Variants in PPP1R9A observed in about 807,000 individuals in gnomAD.
PPP1R9A encodes protein phosphatase 1 regulatory subunit 9A.
PPP1R9A carries 59 observed loss-of-function variants against 141.9 expected under a neutral mutation model. That is an observed-to-expected ratio of 0.42 (90% CI 0.34 to 0.52). PPP1R9A has a LOEUF of 0.52. Ranked by LOEUF, PPP1R9A falls within the 20% of genes least tolerant of loss-of-function variation. PPP1R9A has a pLI of 0.10. For synonymous variants in PPP1R9A, 500 were observed against 569.7 expected, an observed-to-expected ratio of 0.88 and a Z score of 1.74; for missense variants, 1,444 against 1,611.9, an observed-to-expected ratio of 0.90 and a Z score of 1.78.
intron 2 of PPP1R9A, among the ~76,000 whole-genome samples, chr7:95,099,856 G>A (rs781106616): frequency 2.6e-4 from 40 of 151,944 alleles, no homozygotes; most frequent in Non-Finnish European, 5.0e-4. Context: ...ACACATATTT[G>A]CCAATAAATG....
intron 4 of PPP1R9A, among the ~76,000 whole-genome samples, chr7:95,145,296 T>A (rs1827400863): frequency 6.6e-6 from 1 of 152,224 alleles, no homozygotes; most frequent in African/African-American, 2.4e-5. Context: ...CACCTTTTCA[T>A]CACTGATGCT....
chr7:94,956,029 G>C (rs779495821), intron 2 of PPP1R9A, among the ~76,000 whole-genome samples: 1 of 152,138 alleles, frequency 6.6e-6, no homozygotes, highest in Non-Finnish European at 1.5e-5. Flanking sequence ...TGCTCACTCT[G>C]TCCTGTTGCC....
intron 2 of PPP1R9A, chr7:95,098,280 A>G (rs1251455110): frequency 2.6e-5 from 4 of 152,182 alleles, no homozygotes; most frequent in African/African-American, 9.7e-5. Context: ...AGGCGTGATT[A>G]TAGCTAATTG....
chr7:94,984,926 G>A (rs772253329), intron 2 of PPP1R9A, among the ~76,000 whole-genome samples: 1 of 152,030 alleles, frequency 6.6e-6, no homozygotes, highest in African/African-American at 2.4e-5. Flanking sequence ...TGTGATGTTA[G>A]GGTGTCAATT....
At chr7:94,981,548 T>TA (rs1348658788) in intron 2 of PPP1R9A, among the ~76,000 whole-genome samples, 9 of 151,998 alleles carry the variant, frequency 5.9e-5, no homozygotes, top group African/African-American at 1.2e-4. Flanking sequence ...ACGTTTTTTT[T>TA]AAAAAAAACT....
chr7:95,287,223 A>C, intron 18 of PPP1R9A: 3 of 1,445,472 alleles, frequency 2.1e-6, no homozygotes, highest in Non-Finnish European at 1.9e-6. Flanking sequence ...AAAATCAGAC[A>C]ATACAAGAAT....
chr7:95,081,403 A>G (rs1181303400), intron 2 of PPP1R9A, among the ~76,000 whole-genome samples: 1 of 152,170 alleles, frequency 6.6e-6, no homozygotes, highest in Non-Finnish European at 1.5e-5. Flanking sequence ...TGCTAGAGAA[A>G]AACGTATTAG....
At chr7:94,965,867 G>T (rs1192634252) in intron 2 of PPP1R9A, among the ~76,000 whole-genome samples, 1 of 152,092 alleles carries the variant, frequency 6.6e-6, no homozygotes, top group Non-Finnish European at 1.5e-5. Flanking sequence ...AAAGTCAATG[G>T]TAGCTTGATG....
At chr7:95,071,630 A>G (rs1316038680) in intron 2 of PPP1R9A, among the ~76,000 whole-genome samples, 1 of 152,008 alleles carries the variant, frequency 6.6e-6, no homozygotes, top group Non-Finnish European at 1.5e-5. Context: ...GTCATTTTGA[A>G]TAGCTGATTA....
intron 2 of PPP1R9A, among the ~76,000 whole-genome samples, chr7:94,977,765 T>A (rs1341350029): frequency 7.9e-6 from 1 of 127,326 alleles, no homozygotes; most frequent in African/African-American, 3.1e-5. Flanking sequence ...TTTCATTTTC[T>A]TTTTTTTTTT....
At chr7:95,074,472 T>G (rs202218971) in intron 2 of PPP1R9A, among the ~76,000 whole-genome samples, 10,081 of 121,044 alleles carry the variant, frequency 0.083, 438 homozygotes, top group African/African-American at 0.15. Flanking sequence ...TTTGTTTTTT[T>G]TTTTTTTGTT....
chr7:94,969,248 C>A (rs1798585583), intron 2 of PPP1R9A, among the ~76,000 whole-genome samples: 1 of 152,046 alleles, frequency 6.6e-6, no homozygotes, highest in Admixed American at 6.6e-5. Flanking sequence ...GAATTTTCAG[C>A]CTTTTTGTGC....
At position 95,079,195 on chromosome 7, in the gene PPP1R9A, C is replaced by T. The variant is rs911109901; in HGVS notation, c.1396-32064C>T. On this transcript the variant is annotated intron_variant, in intron 2 of 19. Coordinates refer to ENST00000433360, the MANE Select transcript of PPP1R9A (RefSeq NM_001166160.2). ...GAAGGGATCCAGTTTCAGCTTTCTACATATGGCTAGCCAGTTTTCCTAGCA... is the reference window on the plus strand; with the variant it reads ...GAAGGGATCCAGTTTCAGCTTTCTATATATGGCTAGCCAGTTTTCCTAGCA... Among the ~76,000 whole-genome samples, 82 of 152,322 alleles carry T rather than the reference C, an allele frequency of 5.4e-4. 1 individual carries two copies. The highest frequency in any genetic ancestry group is 1.1e-3 in the Non-Finnish European group (72 of 68,030).
intron 2 of PPP1R9A, among the ~76,000 whole-genome samples, chr7:94,949,923 T>G (rs149249985): frequency 6.6e-6 from 1 of 151,310 alleles, no homozygotes; most frequent in South Asian, 2.1e-4. Flanking sequence ...TTTTTTTTTT[T>G]GAATGGTCAC....
At chr7:94,986,444 C>T (rs1477979059) in intron 2 of PPP1R9A, among the ~76,000 whole-genome samples, 3 of 151,870 alleles carry the variant, frequency 2.0e-5, no homozygotes, top group Admixed American at 2.0e-4. Flanking sequence ...AAAACATGAG[C>T]GGATAGAGGT....
chr7:94,984,659 C>G (rs1206857662), intron 2 of PPP1R9A, among the ~76,000 whole-genome samples: 1 of 151,784 alleles, frequency 6.6e-6, no homozygotes, highest in Non-Finnish European at 1.5e-5. Context: ...TTTGTATTTC[C>G]TTGAGATCGG....
intron 4 of PPP1R9A, among the ~76,000 whole-genome samples, chr7:95,122,363 C>G (rs1347810763): frequency 1.3e-5 from 2 of 151,936 alleles, no homozygotes; most frequent in Non-Finnish European, 2.9e-5. Flanking sequence ...GTCAGAATGG[C>G]CTCGAACTCC....
At chr7:95,134,226 C>T (rs1024702144) in intron 4 of PPP1R9A, among the ~76,000 whole-genome samples, 2 of 152,070 alleles carry the variant, frequency 1.3e-5, no homozygotes, top group African/African-American at 4.8e-5. Context: ...GAACAGAAAA[C>T]CAAACACCAC....
At chr7:94,949,551 C>T (rs1029692166) in intron 2 of PPP1R9A, among the ~76,000 whole-genome samples, 1 of 152,090 alleles carries the variant, frequency 6.6e-6, no homozygotes, top group African/African-American at 2.4e-5. Flanking sequence ...TAGAAGGCTA[C>T]TCTGACTTAC....
Sources: allele counts gnomAD v4.1 joint callset (sites outside exome capture counted in the v4.1 genomes callset), GRCh38; gene constraint gnomAD v4.1.1; transcripts MANE v1.5; gene names NCBI Gene and HGNC (gene_info 2026-07-23, HGNC 2026-07-21).